Variants in SHQ1 observed in about 807,000 individuals in gnomAD.
SHQ1 encodes the protein protein SHQ1 homolog.
SHQ1 carries 49 observed loss-of-function variants against 53.8 expected under a neutral mutation model. That is an observed-to-expected ratio of 0.91 (90% CI 0.72 to 1.16). The LOEUF (loss-of-function observed/expected upper bound fraction) is 1.16, where lower values mean the gene tolerates loss of function less well. Ranked by LOEUF, SHQ1 falls within the 50% of genes most tolerant of loss-of-function variation. The pLI is 0.00. For synonymous variants in SHQ1, 243 were observed against 251.0 expected (o/e 0.97, Z 0.30); for missense variants, 738 against 683.1 (o/e 1.08, Z -0.90).
At position 72,848,313 on chromosome 3, in the gene SHQ1, G is replaced by A. The variant is rs534478546; in HGVS notation, c.28C>T (p.Gln10Ter). ...GCGATAGTCAGGAAGTCCGGATCCT[G>A]GCTGAGGTCGAACGCCGGGGTCAGC... is the stretch of plus-strand genomic sequence containing the variant. The part of the protein sequence containing the change: MLTPAFDLS[Q>*]DPDFLTIAIR... The change falls in exon 1 of 11, where the codon CAG becomes TAG. Residue 10 changes from glutamine (Q) to a stop codon, truncating the protein, a stop_gained. Transcript: ENST00000325599. LOFTEE classifies it high-confidence loss of function. 2 of 1,614,024 alleles carry A rather than the reference G, an allele frequency of 1.2e-6. No individual in the cohort carries two copies. Among genetic ancestry groups the A allele is most frequent in the African/African-American group, 1.3e-5 (1 of 74,908 alleles).
At chr3:72,799,145 C>T (rs543598207) in intron 9 of SHQ1, among the ~76,000 whole-genome samples, 4 of 151,132 alleles carry the variant, frequency 2.6e-5, no homozygotes, top group African/African-American at 9.7e-5. Flanking sequence ...CAGTGGGACT[C>T]CATCTCTACA....
chr3:72,726,054 G>C, the SHQ1 span, among the ~76,000 whole-genome samples: 2 of 152,110 alleles, frequency 1.3e-5, no homozygotes, highest in Non-Finnish European at 2.9e-5. Context: ...GATTGCTTGA[G>C]CCCCAGAGTT....
chr3:72,804,391 T>C (rs2106832381), intron 9 of SHQ1, among the ~76,000 whole-genome samples: 1 of 152,310 alleles, frequency 6.6e-6, no homozygotes, highest in East Asian at 1.9e-4. Flanking sequence ...CTAGCTGTTC[T>C]TCCTGATCCT....
the SHQ1 span, among the ~76,000 whole-genome samples, chr3:72,739,726 T>C: frequency 1.3e-5 from 2 of 152,104 alleles, no homozygotes; most frequent in African/African-American, 4.8e-5. Flanking sequence ...GAAGCCAAGA[T>C]AGAATTAGAA....
At chr3:72,776,365 G>T (rs1029991129) in intron 10 of SHQ1, among the ~76,000 whole-genome samples, 1 of 152,266 alleles carries the variant, frequency 6.6e-6, no homozygotes, top group East Asian at 1.9e-4. Context: ...ACTGTCTACA[G>T]TATTCAGGAT....
intron 10 of SHQ1, among the ~76,000 whole-genome samples, chr3:72,763,659 C>T (rs1218310107): frequency 1.3e-5 from 2 of 152,162 alleles, no homozygotes; most frequent in African/African-American, 4.8e-5. Context: ...AATGTAAAGA[C>T]ACAGGGACAC....
In SHQ1 at chr3:72,815,389, C is replaced by A; in HGVS notation, c.897G>T (p.Trp299Cys). ...TEGEKNVESA[W>C]NIRKLSPTLC... Reference sequence around the variant, plus strand: ...GTGTTGGACTCAGTTTCCTGATATTCCATGCAGATTCAACCTTTATTTGTT... The same window carrying A: ...GTGTTGGACTCAGTTTCCTGATATTACATGCAGATTCAACCTTTATTTGTT... The change falls in exon 8 of 11, where the codon TGG (tryptophan) becomes TGT (cysteine). Residue 299 changes from tryptophan to cysteine, a missense_variant. Transcript: ENST00000325599. 1 of 1,613,288 alleles carries A rather than the reference C, an allele frequency of 6.2e-7. No homozygotes were observed.
At chr3:72,820,575 G>T (rs1707446305) in intron 6 of SHQ1, among the ~76,000 whole-genome samples, 1 of 152,142 alleles carries the variant, frequency 6.6e-6, no homozygotes, top group African/African-American at 2.4e-5. Flanking sequence ...GAACTTGGGG[G>T]AAGTTTGCAC....
chr3:72,799,627 T>C (rs1038925091), intron 9 of SHQ1, among the ~76,000 whole-genome samples: 3 of 152,220 alleles, frequency 2.0e-5, no homozygotes, highest in African/African-American at 4.8e-5. Flanking sequence ...TCAGATGCCA[T>C]TTAAGCTTCA....
intron 9 of SHQ1, among the ~76,000 whole-genome samples, chr3:72,795,905 C>T (rs1393806723): frequency 6.6e-6 from 1 of 151,882 alleles, no homozygotes; most frequent in African/African-American, 2.4e-5. Context: ...AAGTTCGAGA[C>T]CAGCTTGGCC....
At chr3:72,793,303 C>T (rs549166796) in intron 9 of SHQ1, 8 of 254,880 alleles carry the variant, frequency 3.1e-5, no homozygotes, top group East Asian at 2.2e-4. Flanking sequence ...GTCAGGAGAT[C>T]GAGACCATCC....
chr3:72,792,397 TGTGTACCTCCTTCCCTAA>T, intron 10 of SHQ1, among the ~76,000 whole-genome samples: 1 of 152,338 alleles, frequency 6.6e-6, no homozygotes, highest in Non-Finnish European at 1.5e-5. Flanking sequence ...TTTTACCATC[TGTGTACCTCCTTCCCTAA>T]GCAAATTCAC....
At chr3:72,797,752 A>T (rs979234888) in intron 9 of SHQ1, among the ~76,000 whole-genome samples, 3 of 152,368 alleles carry the variant, frequency 2.0e-5, no homozygotes, top group Admixed American at 2.0e-4. Flanking sequence ...AATCTAGAAT[A>T]AAAAGTACAT....
Position 72,842,363 on chromosome 3 carries a change from T to C in SHQ1, c.248A>G (p.Gln83Arg). Residue 83 changes from glutamine to arginine, a missense_variant, in exon 3 of 11, where the codon CAG becomes CGG. Coordinates refer to ENST00000325599, the MANE Select transcript of SHQ1 (RefSeq NM_018130.3). ...TAACATGTTCAGCCCCTCAAAATGCTGGCCAGGGGTTTCTTTGGGCAGGCG... is the reference window on the plus strand; with the variant it reads ...TAACATGTTCAGCCCCTCAAAATGCCGGCCAGGGGTTTCTTTGGGCAGGCG... ...TIRLPKETPG[Q>R]HFEGLNMLTA... The C allele has an allele frequency of 6.2e-7, 1 of 1,613,916 alleles. No individual in the cohort carries two copies. The highest frequency in any genetic ancestry group is 1.1e-5 in the South Asian group (1 of 91,086).
intron 10 of SHQ1, among the ~76,000 whole-genome samples, chr3:72,758,496 C>T (rs1705543740): frequency 6.6e-6 from 1 of 151,936 alleles, no homozygotes; most frequent in East Asian, 1.9e-4. Flanking sequence ...CATAACAAAC[C>T]ACCAAAAACT....
intron 4 of SHQ1, among the ~76,000 whole-genome samples, chr3:72,835,521 T>C (rs1707966964): frequency 2.0e-5 from 3 of 152,172 alleles, no homozygotes; most frequent in Admixed American, 2.0e-4. Context: ...AATAAAGTCA[T>C]AAATGGGGTA....
chr3:72,820,995 C>T (rs1288178951), intron 6 of SHQ1, among the ~76,000 whole-genome samples: 1 of 152,174 alleles, frequency 6.6e-6, no homozygotes, highest in Non-Finnish European at 1.5e-5. Context: ...CTCTCTAAAT[C>T]CCCCTCCCAA....
intron 5 of SHQ1, 105 bp from the exon 6 acceptor site, chr3:72,824,656 T>C (rs1346843531): frequency 7.6e-7 from 1 of 1,315,220 alleles, no homozygotes; most frequent in Non-Finnish European, 1.0e-6. Flanking sequence ...AGATTTTAAT[T>C]CAAAGTACAT....
chr3:72,819,024 A>G (rs1281222640), intron 6 of SHQ1, among the ~76,000 whole-genome samples: 2 of 152,220 alleles, frequency 1.3e-5, no homozygotes, highest in Non-Finnish European at 2.9e-5. Context: ...ATCTTTGGCT[A>G]CAGCCTTGCA....
Sources: allele counts gnomAD v4.1 joint callset (sites outside exome capture counted in the v4.1 genomes callset), GRCh38; gene constraint gnomAD v4.1.1; transcripts MANE v1.5; gene names NCBI Gene and HGNC (gene_info 2026-07-23, HGNC 2026-07-21).